ACOT12: variants seen among roughly 807,000 people sequenced by gnomAD.
ACOT12 encodes acetyl-coenzyme A thioesterase.
A neutral mutation model predicts 67.7 loss-of-function variants in ACOT12; 51 were observed. The observed-to-expected ratio is 0.75, with a 90% CI of 0.60 to 0.95. The LOEUF (loss-of-function observed/expected upper bound fraction) is 0.95, where lower values mean the gene tolerates loss of function less well. ACOT12 is among the 40% of genes least tolerant of loss of function. The pLI is 0.00. For synonymous variants in ACOT12, 251 were observed against 244.6 expected, an observed-to-expected ratio of 1.03 and a Z score of -0.24; for missense variants, 734 against 708.1, an observed-to-expected ratio of 1.04 and a Z score of -0.41.
In ACOT12 at chr5:81,330,879, A is replaced by C. The variant is rs550120613; in HGVS notation, c.1453T>G (p.Tyr485Asp). The change falls in exon 14 of 15, where the codon TAC becomes GAC. Residue 485 changes from tyrosine to aspartate, a missense_variant. Coordinates refer to ENST00000307624, the MANE Select transcript of ACOT12 (RefSeq NM_130767.3). ...GCACATATGATTTCACTTCTGATGT[A>C]CTGTGGAGACGGGGGGACCGATGGC... ...ILPSVPPSPQ[Y>D]IRSEIICAGF... The C allele has an allele frequency of 6.2e-7, 1 of 1,613,892 alleles. No individual in the cohort carries two copies. The highest frequency in any genetic ancestry group is 1.7e-5 in the Admixed American group (1 of 59,978).
At chr5:81,366,981 A>C (rs1760100238) in intron 3 of ACOT12, among the ~76,000 whole-genome samples, 1 of 152,200 alleles carries the variant, frequency 6.6e-6, no homozygotes, top group African/African-American at 2.4e-5. Context: ...AAGTTTGAAG[A>C]TATAATAGCT....
chr5:81,332,339 A>T (rs1305951489), intron 13 of ACOT12, 138 bp downstream of exon 13: 1 of 981,444 alleles, frequency 1.0e-6, no homozygotes, highest in East Asian at 2.7e-5. Flanking sequence ...ATAGCTAAAG[A>T]TTCATCTAGG....
At chr5:81,315,153 GCT>G in the ACOT12 span, among the ~76,000 whole-genome samples, 3 of 152,266 alleles carry the variant, frequency 2.0e-5, no homozygotes, top group South Asian at 4.1e-4. Context: ...CTACTGGGAT[GCT>G]CCACTAATAC....
chr5:81,321,176 A>T, the ACOT12 span, among the ~76,000 whole-genome samples: 1 of 152,168 alleles, frequency 6.6e-6, no homozygotes, highest in Admixed American at 6.5e-5. Context: ...GGATTGCTTG[A>T]GCCTAGGAGG....
At chr5:81,326,839 C>T (rs1034245763), downstream of ACOT12, among the ~76,000 whole-genome samples, 2 of 152,180 alleles carry the variant, frequency 1.3e-5, no homozygotes, top group African/African-American at 2.4e-5. Context: ...TAGCCTGGCA[C>T]ACTCAGCAAG....
intron 5 of ACOT12, among the ~76,000 whole-genome samples, chr5:81,351,925 C>A (rs1037532143): frequency 6.6e-6 from 1 of 152,036 alleles, no homozygotes; most frequent in Admixed American, 6.6e-5. Context: ...ATCTAATAAT[C>A]TGATTAAAAA....
Position 81,394,056 on chromosome 5 carries a change from G to A in ACOT12, c.59C>T (p.Ala20Val), listed in dbSNP as rs1455529480. The A allele has an allele frequency of 6.8e-7, 1 of 1,474,612 alleles. No homozygotes were observed. The highest frequency in any genetic ancestry group is 1.3e-5 in the South Asian group (1 of 76,572). 91.3% of individuals were successfully genotyped at this position (1,474,612 alleles called of 1,614,324 possible). ...VMSQAIQPAHATARGELSAGQ... is the reference protein window; with the variant it reads ...VMSQAIQPAHVTARGELSAGQ... ...CGCGCTCAGCTCGCCGCGCGCAGTG[G>A]CGTGCGCCGGCTGGATGGCTTGGCT... The change falls in exon 1 of 15, where the codon GCC becomes GTC. Residue 20 changes from alanine to valine, a missense_variant. Transcript: ENST00000307624.
At chr5:81,393,590 G>A (rs1478551237) in intron 1 of ACOT12, among the ~76,000 whole-genome samples, 6 of 152,032 alleles carry the variant, frequency 3.9e-5, no homozygotes, top group African/African-American at 1.4e-4. Context: ...GGTGGCGTGC[G>A]TCTGTGGTCC....
intron 11 of ACOT12, among the ~76,000 whole-genome samples, chr5:81,340,692 G>A (rs1759166904): frequency 6.6e-6 from 1 of 152,246 alleles, no homozygotes; most frequent in South Asian, 2.1e-4. Context: ...CAACTGTGTT[G>A]TAAGAATTAT....
chr5:81,368,797 T>C (rs974174530), intron 3 of ACOT12, among the ~76,000 whole-genome samples: 6 of 151,086 alleles, frequency 4.0e-5, no homozygotes, highest in African/African-American at 1.5e-4. Context: ...GAGAATAATA[T>C]AATAACCAAC....
intron 5 of ACOT12, among the ~76,000 whole-genome samples, chr5:81,349,085 T>C (rs569708971): frequency 2.6e-5 from 4 of 152,268 alleles, no homozygotes; most frequent in Non-Finnish European, 5.9e-5. Flanking sequence ...GGCTGTACTG[T>C]CAGAGGCAGA....
chr5:81,360,051 A>T lies in ACOT12; in HGVS notation c.361-13T>A. On this transcript the variant is annotated splice_polypyrimidine_tract_variant and intron_variant, in intron 4 of 14. Transcript: ENST00000307624. ...GTTTTAAATGAATCTAGAGAAAGAA[A>T]AGCATTTATCTTTTATTGCCTTGTT... 2.5e-6 allele frequency: 4 copies of T among 1,591,826 alleles called. No homozygotes were observed. The highest frequency in any genetic ancestry group is 3.4e-6 in the Non-Finnish European group (4 of 1,174,556).
At chr5:81,364,876 G>GA (rs1561341555) in intron 3 of ACOT12, among the ~76,000 whole-genome samples, 19 of 151,928 alleles carry the variant, frequency 1.3e-4, no homozygotes, top group Middle Eastern at 6.8e-3. Context: ...TACTCTCAGA[G>GA]TTTTTTTTCC....
At chr5:81,319,815 T>C in the ACOT12 span, among the ~76,000 whole-genome samples, 3 of 113,316 alleles carry the variant, frequency 2.6e-5, no homozygotes, top group Admixed American at 1.2e-4. Context: ...TAAGCACCCA[T>C]GAACCTACTT....
intron 2 of ACOT12, among the ~76,000 whole-genome samples, chr5:81,376,110 G>A (rs565533508): frequency 1.3e-5 from 2 of 152,076 alleles, no homozygotes; most frequent in Non-Finnish European, 2.9e-5. Flanking sequence ...CTCAGCAAAT[G>A]CAAAAGAACG....
chr5:81,315,948 C>T, the ACOT12 span, among the ~76,000 whole-genome samples: 1 of 152,192 alleles, frequency 6.6e-6, no homozygotes, highest in African/African-American at 2.4e-5. Flanking sequence ...TTTGTCCCAT[C>T]TCTCTGCTAG....
intron 1 of ACOT12, among the ~76,000 whole-genome samples, chr5:81,393,023 G>T (rs1327609326): frequency 1.3e-5 from 2 of 152,206 alleles, no homozygotes; most frequent in Non-Finnish European, 2.9e-5. Context: ...CAGGGGTTAG[G>T]ACTTCAGTGT....
chr5:81,367,653 A>G (rs1466528072), intron 3 of ACOT12, among the ~76,000 whole-genome samples: 4 of 152,230 alleles, frequency 2.6e-5, no homozygotes, highest in Non-Finnish European at 5.9e-5. Context: ...AGATGGGGAC[A>G]GGAAGAAACA....
chr5:81,372,304 T>C (rs548508200), intron 2 of ACOT12, among the ~76,000 whole-genome samples: 1 of 152,304 alleles, frequency 6.6e-6, no homozygotes, highest in East Asian at 1.9e-4. Flanking sequence ...TTATTGAAAC[T>C]TCGATCATGT....
Sources: allele counts gnomAD v4.1 joint callset (sites outside exome capture counted in the v4.1 genomes callset), GRCh38; gene constraint gnomAD v4.1.1; transcripts MANE v1.5; gene names NCBI Gene and HGNC (gene_info 2026-07-23, HGNC 2026-07-21).